LPAR1: variants seen among roughly 807,000 people sequenced by gnomAD.
LPAR1 encodes the protein lysophosphatidic acid receptor 1, also known as LPA receptor 1.
LPAR1 carries 5 observed loss-of-function variants against 23.8 expected under a neutral mutation model. The ratio of observed to expected loss-of-function variants is 0.21; its 90% CI spans 0.11 to 0.44. The LOEUF is 0.44. LPAR1 is among the 20% of genes least tolerant of loss of function. The pLI, the probability that LPAR1 is intolerant of heterozygous loss-of-function variation, is 0.99. For missense variants in LPAR1, 311 were observed against 482.8 expected, an observed-to-expected ratio of 0.64 and a Z score of 3.33; for synonymous variants, 160 against 164.7, an observed-to-expected ratio of 0.97 and a Z score of 0.22.
At chr9:110,924,264 T>C (rs2093848106) in intron 5 of LPAR1, among the ~76,000 whole-genome samples, 1 of 151,072 alleles carries the variant, frequency 6.6e-6, no homozygotes, top group South Asian at 2.1e-4. Flanking sequence ...AACGTAAATG[T>C]CTAATGATTA....
intron 2 of LPAR1, among the ~76,000 whole-genome samples, chr9:111,006,366 A>G (rs1257962129): frequency 5.3e-5 from 8 of 152,146 alleles, no homozygotes; most frequent in Admixed American, 1.3e-4. Context: ...GAAACATACA[A>G]AATGTTGGGG....
chr9:110,958,087 A>G (rs549881349), intron 4 of LPAR1, among the ~76,000 whole-genome samples: 1 of 152,358 alleles, frequency 6.6e-6, no homozygotes, highest in East Asian at 1.9e-4. Context: ...TGAAGAGGAC[A>G]CAAATGGAAA....
chr9:110,942,300 T>C, intron 4 of LPAR1, 132 bp from the exon 5 acceptor site: 1 of 710,102 alleles, frequency 1.4e-6, no homozygotes, highest in Non-Finnish European at 2.3e-6. Flanking sequence ...CATTTGATCC[T>C]GCATACCATC....
At chr9:110,881,672 C>T (rs979911297) in intron 5 of LPAR1, among the ~76,000 whole-genome samples, 15 of 152,200 alleles carry the variant, frequency 9.9e-5, no homozygotes, top group African/African-American at 3.6e-4. Flanking sequence ...AACCACTTCT[C>T]CACTGCTACC....
Position 110,889,084 on chromosome 9 carries a change from G to A in LPAR1, c.794-13362C>T, listed in dbSNP as rs1038701773. ...CAAAACTATTGTTAACACATTGGCC[G>A]GGTGCAGTGGCTCTCACCTGTAATC... On this transcript the variant is annotated intron_variant, in intron 5 of 5. Coordinates refer to ENST00000683809, the MANE Select transcript of LPAR1 (RefSeq NM_001351411.2). Among the ~76,000 whole-genome samples the A allele has an allele frequency of 1.4e-4, 22 of 152,310 alleles. No individual in the cohort carries two copies. The East Asian group carries it at 4.2e-3, about 29-fold the overall frequency.
chr9:110,908,658 T>G (rs1237166764), intron 5 of LPAR1, among the ~76,000 whole-genome samples: 1 of 152,172 alleles, frequency 6.6e-6, no homozygotes, highest in Non-Finnish European at 1.5e-5. Flanking sequence ...TTCCCTGAAA[T>G]GAATACGACT....
intron 2 of LPAR1, among the ~76,000 whole-genome samples, chr9:111,000,914 T>A (rs925583545): frequency 6.6e-6 from 1 of 152,158 alleles, no homozygotes; most frequent in Non-Finnish European, 1.5e-5. Context: ...TAAATCTAAC[T>A]AAATGCCTCT....
chr9:111,038,915 G>C (rs1225022911), upstream of LPAR1, among the ~76,000 whole-genome samples: 1 of 152,122 alleles, frequency 6.6e-6, no homozygotes, highest in African/African-American at 2.4e-5. The surrounding 1 kb of genome is among the most constrained non-coding windows in gnomAD (Gnocchi z 4.4). Context: ...GCCCCGGCAC[G>C]GGGCATTTTC....
At chr9:110,934,821 AACACAC>A (rs34585506) in intron 5 of LPAR1, among the ~76,000 whole-genome samples, 10 of 149,036 alleles carry the variant, frequency 6.7e-5, no homozygotes, top group Non-Finnish European at 1.3e-4. Context: ...CACACACACA[AACACAC>A]ACACACACAC....
At chr9:110,975,538 G>C (rs2096537016) in intron 2 of LPAR1, among the ~76,000 whole-genome samples, 1 of 152,182 alleles carries the variant, frequency 6.6e-6, no homozygotes, top group Admixed American at 6.5e-5. Context: ...CCTATGCTAA[G>C]ATTCATACTC....
At chr9:110,978,105 C>T (rs1216349065) in intron 2 of LPAR1, among the ~76,000 whole-genome samples, 1 of 152,036 alleles carries the variant, frequency 6.6e-6, no homozygotes, top group African/African-American at 2.4e-5. Context: ...AGAGAAAACT[C>T]TATTAACAGA....
intron 5 of LPAR1, among the ~76,000 whole-genome samples, chr9:110,888,691 AGCAAGT>A (rs1228517008): frequency 6.6e-6 from 1 of 152,206 alleles, no homozygotes; most frequent in Non-Finnish European, 1.5e-5. Flanking sequence ...ACTCTGGAAG[AGCAAGT>A]GTGGATACAA....
At chr9:110,910,074 G>T (rs185756209) in intron 5 of LPAR1, among the ~76,000 whole-genome samples, 6 of 152,200 alleles carry the variant, frequency 3.9e-5, no homozygotes, top group Non-Finnish European at 7.4e-5. Flanking sequence ...GAGCAGGTTA[G>T]TTTCACAACA....
rs531748393 is a variant in LPAR1, at chr9:110,941,234, G to A, written c.793+187C>T. 2.1e-4 allele frequency among the ~76,000 whole-genome samples: 32 copies of A among 152,154 alleles called. No individual in the cohort carries two copies. In the South Asian group the frequency reaches 5.6e-3, roughly 27 times the overall value. On this transcript the variant is annotated intron_variant, in intron 5 of 5. Coordinates refer to ENST00000683809, the MANE Select transcript of LPAR1 (RefSeq NM_001351411.2). This position sits in a 1 kb window ranked among gnomAD's most constrained non-coding sequence, Gnocchi z 6.1. ...CCACTGGGACCCATGTTTCCCTAACGCTAATTCTATAATTTTAGGAAGACT... is the reference window on the plus strand; with the variant it reads ...CCACTGGGACCCATGTTTCCCTAACACTAATTCTATAATTTTAGGAAGACT...
At chr9:110,996,721 A>C (rs2097017390) in intron 2 of LPAR1, among the ~76,000 whole-genome samples, 1 of 152,174 alleles carries the variant, frequency 6.6e-6, no homozygotes. Context: ...GCTGGGGGCA[A>C]GGGATAAAAT....
intron 4 of LPAR1, among the ~76,000 whole-genome samples, chr9:110,946,771 A>G (rs942382762): frequency 6.6e-6 from 1 of 152,174 alleles, no homozygotes; most frequent in Admixed American, 6.5e-5. Context: ...TCATAGGGTT[A>G]TAAAACTTAA....
intron 2 of LPAR1, among the ~76,000 whole-genome samples, chr9:111,019,068 C>T (rs1197696970): frequency 6.6e-6 from 1 of 152,200 alleles, no homozygotes; most frequent in East Asian, 1.9e-4. Context: ...GGCCATAAAA[C>T]TAACATGACT....
intron 5 of LPAR1, among the ~76,000 whole-genome samples, chr9:110,916,982 C>A (rs527867232): frequency 6.7e-6 from 1 of 149,090 alleles, no homozygotes; most frequent in East Asian, 2.0e-4. Context: ...ATTGTAATAA[C>A]TTTGTAGTTG....
At chr9:110,993,011 A>G (rs539722767) in intron 2 of LPAR1, among the ~76,000 whole-genome samples, 1 of 152,216 alleles carries the variant, frequency 6.6e-6, no homozygotes, top group Non-Finnish European at 1.5e-5. Flanking sequence ...AAAAGAAAGC[A>G]TAAGTCTTAA....
Sources: allele counts gnomAD v4.1 joint callset (sites outside exome capture counted in the v4.1 genomes callset), GRCh38; gene constraint gnomAD v4.1.1; non-coding constraint Gnocchi (gnomAD v3.1); transcripts MANE v1.5; gene names NCBI Gene and HGNC (gene_info 2026-07-23, HGNC 2026-07-21).